The following EVL variants were observed in gnomAD, a reference collection of about 807,000 sequenced individuals.
EVL encodes the protein ena/VASP-like protein.
A neutral mutation model predicts 59.6 loss-of-function variants in EVL; 21 were observed. The ratio of observed to expected loss-of-function variants is 0.35; its 90% CI spans 0.25 to 0.51. The LOEUF (loss-of-function observed/expected upper bound fraction) is 0.51, where lower values mean the gene tolerates loss of function less well. Ranked by LOEUF, EVL falls within the 20% of genes least tolerant of loss-of-function variation. The pLI is 0.97. For synonymous variants in EVL, 198 were observed against 203.5 expected (o/e 0.97, Z 0.23); for missense variants, 462 against 546.6 (o/e 0.85, Z 1.54).
intron 1 of EVL, among the ~76,000 whole-genome samples, chr14:100,046,285 A>G (rs1001128347): frequency 6.6e-6 from 1 of 152,190 alleles, no homozygotes; most frequent in Non-Finnish European, 1.5e-5. Flanking sequence ...ACTCAGCCTC[A>G]CACATACAAT....
At chr14:100,079,315 G>A (rs1411032680) in intron 1 of EVL, among the ~76,000 whole-genome samples, 3 of 152,224 alleles carry the variant, frequency 2.0e-5, no homozygotes, top group Non-Finnish European at 4.4e-5. Flanking sequence ...TGAGTAGAAT[G>A]TTCCCACGGG....
At chr14:100,064,180 T>A (rs1365099047), upstream of EVL, among the ~76,000 whole-genome samples, 1 of 152,000 alleles carries the variant, frequency 6.6e-6, no homozygotes, top group Non-Finnish European at 1.5e-5. Context: ...AACTGATACT[T>A]CTTTTGTACT....
intron 11 of EVL, chr14:100,140,824 A>T (rs1889121896): frequency 5.3e-6 from 1 of 186,916 alleles, no homozygotes; most frequent in African/African-American, 2.4e-5. Flanking sequence ...CACCCTGAGG[A>T]GGAGGCTGTC....
intron 1 of EVL, among the ~76,000 whole-genome samples, chr14:99,982,625 C>T (rs2060814921): frequency 6.6e-6 from 1 of 152,074 alleles, no homozygotes; most frequent in Admixed American, 6.6e-5. Flanking sequence ...GTAGTTCTGT[C>T]TGCTCACCAG....
chr14:100,025,501 C>G (rs2061195197), intron 1 of EVL, among the ~76,000 whole-genome samples: 1 of 152,218 alleles, frequency 6.6e-6, no homozygotes, highest in African/African-American at 2.4e-5. Context: ...AATGGGCACT[C>G]CCTTTCTTTT....
In EVL at chr14:100,108,741, G is replaced by T. The variant is rs114678351; in HGVS notation, c.358+11083G>T. Among the ~76,000 whole-genome samples, 887 of 152,224 alleles carry T rather than the reference G, an allele frequency of 5.8e-3. 4 individuals are homozygous for T. The highest frequency in any genetic ancestry group is 0.02 in the African/African-American group (843 of 41,536). ...GTCAGAATGTGGCTCCACAGATGGA[G>T]CCTTTCCCAGCCGCCCCGCTCCCTG... On this transcript the variant is annotated intron_variant, in intron 3 of 13. Transcript: ENST00000392920. This position sits in a 1 kb window ranked among gnomAD's most constrained non-coding sequence, Gnocchi z 4.1.
chr14:100,031,411 T>C (rs1356151080), intron 1 of EVL, among the ~76,000 whole-genome samples: 1 of 152,234 alleles, frequency 6.6e-6, no homozygotes, highest in East Asian at 1.9e-4. Context: ...AGGAATAATA[T>C]TTTATTTGCA....
intron 1 of EVL, among the ~76,000 whole-genome samples, chr14:100,045,586 C>T (rs1017124360): frequency 4.6e-5 from 7 of 152,202 alleles, no homozygotes; most frequent in South Asian, 2.1e-4. Context: ...GTTGAAAGGA[C>T]GGGATTAATC....
In EVL at chr14:100,071,916, C is replaced by A. The variant is rs556802625; in HGVS notation, c.11+6405C>A. On this transcript the variant is annotated intron_variant, in intron 1 of 13. Coordinates refer to ENST00000392920, the MANE Select transcript of EVL (RefSeq NM_016337.3). ...TAAACATTTTAAGTCTACTTCATAGCATGAAACCTGTTTCACACCTGTGCC... is the reference window on the plus strand; with the variant it reads ...TAAACATTTTAAGTCTACTTCATAGAATGAAACCTGTTTCACACCTGTGCC... Among the ~76,000 whole-genome samples, 5 of 152,250 alleles carry A rather than the reference C, an allele frequency of 3.3e-5. 1 individual carries two copies. The East Asian group carries it at 9.6e-4, about 29-fold the overall frequency.
At chr14:100,039,761 GGGT>G (rs1383311188) in intron 1 of EVL, among the ~76,000 whole-genome samples, 12 of 152,070 alleles carry the variant, frequency 7.9e-5, no homozygotes, top group Non-Finnish European at 1.2e-4. Context: ...TTGTGTGTCT[GGGT>G]GGTGTGGCTG....
At chr14:100,080,997 A>G (rs1466472526) in intron 1 of EVL, among the ~76,000 whole-genome samples, 1 of 152,214 alleles carries the variant, frequency 6.6e-6, no homozygotes, top group Non-Finnish European at 1.5e-5. Flanking sequence ...ATAGCTAGGC[A>G]CGGTGGCTCA....
At chr14:100,025,829 G>A (rs939929028) in intron 1 of EVL, among the ~76,000 whole-genome samples, 13 of 152,170 alleles carry the variant, frequency 8.5e-5, no homozygotes, top group Admixed American at 6.5e-4. Flanking sequence ...CTAGCTACTC[G>A]GGAGGCTGAG....
At chr14:100,040,429 T>A (rs2061451498) in intron 1 of EVL, among the ~76,000 whole-genome samples, 1 of 152,164 alleles carries the variant, frequency 6.6e-6, no homozygotes, top group African/African-American at 2.4e-5. Flanking sequence ...TGTCATTGTT[T>A]CCCCATGTTT....
At chr14:100,137,458 G>T in intron 9 of EVL, 120 bp from the exon 10 acceptor site, 1 of 1,064,914 alleles carries the variant, frequency 9.4e-7, no homozygotes, top group Admixed American at 1.8e-5. Context: ...AGACCTTCCT[G>T]CCACGGGGCT....
chr14:100,065,721 G>A (rs79145860), intron 1 of EVL, among the ~76,000 whole-genome samples: 3 of 152,120 alleles, frequency 2.0e-5, no homozygotes, highest in African/African-American at 4.8e-5. Context: ...CATTACACAG[G>A]CCTGTGTCTC....
At chr14:100,019,511 CCT>C in intron 1 of EVL, 1 of 607,126 alleles carries the variant, frequency 1.6e-6, no homozygotes, top group Non-Finnish European at 2.7e-6. Context: ...GCTGCAGGCC[CCT>C]GTCTGCAGAA....
At position 100,097,198 on chromosome 14, in the gene EVL, G is replaced by T. The variant is rs564728708; in HGVS notation, c.181-283G>T. Among the ~76,000 whole-genome samples the T allele has an allele frequency of 2.6e-5, 4 of 152,354 alleles. No homozygotes were observed. The South Asian group carries it at 8.3e-4, about 32-fold the overall frequency. On this transcript the variant is annotated intron_variant, in intron 2 of 13. Transcript: ENST00000392920. ...CCATGAGTGGAGTGGCTGAGAGGCA[G>T]GGCCAAACCAGAGCCAGGGAACCTG... is the stretch of plus-strand genomic sequence containing the variant.
At chr14:100,000,622 C>T (rs1410902277) in intron 1 of EVL, among the ~76,000 whole-genome samples, 1 of 152,116 alleles carries the variant, frequency 6.6e-6, no homozygotes, top group African/African-American at 2.4e-5. Flanking sequence ...GCTGGGATTA[C>T]AAGCATGAGC....
chr14:100,081,912 C>A (rs527659132), intron 1 of EVL, among the ~76,000 whole-genome samples: 1 of 152,172 alleles, frequency 6.6e-6, no homozygotes, highest in Non-Finnish European at 1.5e-5. Context: ...CCAGCCTGGG[C>A]AACATGGTAA....
Sources: allele counts gnomAD v4.1 joint callset (sites outside exome capture counted in the v4.1 genomes callset), GRCh38; gene constraint gnomAD v4.1.1; non-coding constraint Gnocchi (gnomAD v3.1); transcripts MANE v1.5; gene names NCBI Gene and HGNC (gene_info 2026-07-23, HGNC 2026-07-21).